DOCK2: variants seen among roughly 807,000 people sequenced by gnomAD.
DOCK2 encodes dedicator of cytokinesis protein 2.
Under a neutral mutation model 248.9 loss-of-function variants are expected in DOCK2, and 87 were observed. The observed-to-expected ratio is 0.35, with a 90% CI of 0.29 to 0.42. DOCK2 has a LOEUF of 0.42. DOCK2 is among the 10% of genes least tolerant of loss of function. The probability of loss-of-function intolerance (pLI) is 1.00; values close to 1 mark genes in which losing one functional copy is unlikely to be tolerated. For synonymous variants in DOCK2, 805 were observed against 821.6 expected, an observed-to-expected ratio of 0.98 and a Z score of 0.35; for missense variants, 1,747 against 2,300.2, an observed-to-expected ratio of 0.76 and a Z score of 4.92.
chr5:169,939,516 C>T (rs1292562116), intron 27 of DOCK2, among the ~76,000 whole-genome samples: 4 of 152,006 alleles, frequency 2.6e-5, no homozygotes, highest in East Asian at 3.8e-4. Context: ...CAGTAACAGT[C>T]GTTTATTATT....
intron 9 of DOCK2, among the ~76,000 whole-genome samples, chr5:169,691,325 C>T (rs1333958646): frequency 6.6e-6 from 1 of 152,142 alleles, no homozygotes; most frequent in Non-Finnish European, 1.5e-5. Context: ...CTGGGGATTA[C>T]ATTTTAACAT....
At chr5:169,751,720 A>G (rs1181216098) in intron 23 of DOCK2, among the ~76,000 whole-genome samples, 1 of 152,224 alleles carries the variant, frequency 6.6e-6, no homozygotes, top group Non-Finnish European at 1.5e-5. Flanking sequence ...GCGTGGCAGC[A>G]GCTCACCAAG....
intron 27 of DOCK2, among the ~76,000 whole-genome samples, chr5:169,927,242 A>G (rs1775505615): frequency 1.3e-5 from 2 of 152,204 alleles, no homozygotes; most frequent in South Asian, 4.1e-4. Flanking sequence ...CTTCAGATGA[A>G]TTCGGAGAGG....
At chr5:170,077,660 G>A (rs1285550946) in intron 47 of DOCK2, 50 bp from the exon 48 acceptor site, 5 of 1,605,234 alleles carry the variant, frequency 3.1e-6, no homozygotes, top group Non-Finnish European at 3.4e-6. Context: ...GAAGGCTGGG[G>A]CCACCTTCCC....
At chr5:169,695,769 C>G in intron 9 of DOCK2, 34 bp from the exon 10 acceptor site, 1 of 1,612,342 alleles carries the variant, frequency 6.2e-7, no homozygotes, top group Non-Finnish European at 8.5e-7. Context: ...CCATTCAGCA[C>G]ATGATGGTCA....
rs904936495 is a variant in DOCK2, at chr5:170,033,467, C to T, written c.3468-932C>T. 1.1e-4 allele frequency among the ~76,000 whole-genome samples: 16 copies of T among 152,324 alleles called. 1 individual carries two copies. The highest frequency in any genetic ancestry group is 9.1e-4 in the Admixed American group (14 of 15,308). ...AAAGCCTTGTTGGAAACAGCCATCA[C>T]TACGAGTTTGGTGTCTATCCTTGCT... On this transcript the variant is annotated intron_variant, in intron 34 of 51. Transcript: ENST00000520908.
intron 6 of DOCK2, among the ~76,000 whole-genome samples, chr5:169,681,189 T>A (rs1257528279): frequency 2.2e-5 from 3 of 138,358 alleles, no homozygotes; most frequent in African/African-American, 7.9e-5. Context: ...AGTGGTGCAA[T>A]CTCGGCTCGC....
chr5:169,739,036 A>T (rs1469492436), intron 22 of DOCK2, among the ~76,000 whole-genome samples: 1 of 152,220 alleles, frequency 6.6e-6, no homozygotes, highest in Non-Finnish European at 1.5e-5. Flanking sequence ...TTGCACATGC[A>T]TTTTTAAAAC....
chr5:169,709,423 AG>A lies in DOCK2; in HGVS notation c.1482+1158del, dbSNP rs1761454535. Among the ~76,000 whole-genome samples the A allele has an allele frequency of 3.9e-5, 6 of 152,198 alleles. No individual in the cohort carries two copies. The South Asian group carries it at 1.2e-3, about 31-fold the overall frequency. ...TTTTATTAAAATAACGTTTTAGGCC[AG>A]GTGCAGTGGCTCATGCCTGTAATCC... On this transcript the variant is annotated intron_variant, in intron 15 of 51. Transcript: ENST00000520908.
At chr5:169,860,690 G>A (rs1056297373) in intron 27 of DOCK2, among the ~76,000 whole-genome samples, 1 of 152,172 alleles carries the variant, frequency 6.6e-6, no homozygotes, top group African/African-American at 2.4e-5. Flanking sequence ...GGCAGGAAAA[G>A]GAATACTGAA....
At chr5:169,935,182 C>T (rs1775928489) in intron 27 of DOCK2, among the ~76,000 whole-genome samples, 1 of 152,218 alleles carries the variant, frequency 6.6e-6, no homozygotes, top group African/African-American at 2.4e-5. Context: ...TGTATAAAGA[C>T]AGTCTGCAGA....
intron 34 of DOCK2, among the ~76,000 whole-genome samples, chr5:170,033,218 A>G (rs1230482920): frequency 2.6e-5 from 4 of 152,308 alleles, no homozygotes; most frequent in Non-Finnish European, 5.9e-5. Flanking sequence ...CTCCCCACCT[A>G]GTCTGTGGGC....
chr5:170,029,888 G>A (rs752430644), intron 34 of DOCK2, among the ~76,000 whole-genome samples: 5 of 152,328 alleles, frequency 3.3e-5, no homozygotes, highest in African/African-American at 7.2e-5. Context: ...ACAGGATGGC[G>A]CCCCAGGCAG....
chr5:169,700,231 C>T, intron 13 of DOCK2, 92 bp downstream of exon 13: 1 of 1,491,222 alleles, frequency 6.7e-7, no homozygotes, highest in Non-Finnish European at 9.0e-7. Flanking sequence ...CAACTCCTTC[C>T]TTTTTTACTG....
intron 22 of DOCK2, among the ~76,000 whole-genome samples, chr5:169,731,321 G>A (rs1762756432): frequency 6.6e-6 from 1 of 152,128 alleles, no homozygotes; most frequent in African/African-American, 2.4e-5. Context: ...TTACAGGGGT[G>A]GGTCTTTTCT....
intron 23 of DOCK2, among the ~76,000 whole-genome samples, chr5:169,755,631 C>A (rs1206060308): frequency 6.6e-6 from 1 of 152,116 alleles, no homozygotes; most frequent in African/African-American, 2.4e-5. Context: ...ATAATCCCAG[C>A]TACTCCTGAG....
chr5:169,788,802 G>C (rs1426429541), intron 25 of DOCK2, among the ~76,000 whole-genome samples: 2 of 152,132 alleles, frequency 1.3e-5, no homozygotes, highest in East Asian at 3.9e-4. Context: ...ATTCATGTTG[G>C]GGGCACTGAG....
Position 169,761,549 on chromosome 5 carries a change from C to T in DOCK2, c.2478C>T (p.Ile826=). ...TCCTGTATGAGTTCTACACCTGCAT[C>T]CCTCCTGTGAAACTCCAGAAGCAGA... is the stretch of plus-strand genomic sequence containing the variant. ...SQLLYEFYTC[I]PPVKLQKQKV... is the part of the protein sequence containing the mutation. The change falls in exon 25 of 52, where the codon ATC becomes ATT. Residue 826 remains isoleucine, a synonymous_variant. Transcript: ENST00000520908. 6.2e-7 allele frequency: 1 copy of T among 1,614,088 alleles called. No individual in the cohort carries two copies. The highest frequency in any genetic ancestry group is 2.2e-5 in the East Asian group (1 of 44,882).
intron 13 of DOCK2, 119 bp downstream of exon 13, chr5:169,700,258 T>C: frequency 7.0e-7 from 1 of 1,419,670 alleles, no homozygotes; most frequent in Non-Finnish European, 9.4e-7. Flanking sequence ...TCCATTTCTG[T>C]CCCTGAAGGT....
Sources: allele counts gnomAD v4.1 joint callset (sites outside exome capture counted in the v4.1 genomes callset), GRCh38; gene constraint gnomAD v4.1.1; transcripts MANE v1.5; gene names NCBI Gene and HGNC (gene_info 2026-07-23, HGNC 2026-07-21).